Variants in NEMP2 observed in about 807,000 individuals in gnomAD.
NEMP2 encodes nuclear envelope integral membrane protein 2.
A neutral mutation model predicts 54.2 loss-of-function variants in NEMP2; 53 were observed. That is an observed-to-expected ratio of 0.98 (90% CI 0.78 to 1.23). The LOEUF (loss-of-function observed/expected upper bound fraction) is 1.23. Ranked by LOEUF, NEMP2 falls within the 50% of genes most tolerant of loss-of-function variation. NEMP2 has a pLI of 0.00. For missense variants in NEMP2, 455 were observed against 511.3 expected, an observed-to-expected ratio of 0.89 and a Z score of 1.06; for synonymous variants, 197 against 190.3, an observed-to-expected ratio of 1.04 and a Z score of -0.29.
chr2:190,460,893 A>G, the NEMP2 span, among the ~76,000 whole-genome samples: 4 of 152,214 alleles, frequency 2.6e-5, no homozygotes, highest in African/African-American at 9.6e-5. Flanking sequence ...CATATCAGCA[A>G]TTTTGATGCA....
the NEMP2 span, among the ~76,000 whole-genome samples, chr2:190,450,488 CTTTTT>C: frequency 1.2e-3 from 115 of 97,262 alleles, no homozygotes; most frequent in Middle Eastern, 0.018. Context: ...TCTCTTTTTC[CTTTTT>C]TTTTTTTTTT....
At chr2:190,460,407 G>A in the NEMP2 span, among the ~76,000 whole-genome samples, 2 of 151,912 alleles carry the variant, frequency 1.3e-5, no homozygotes, top group Admixed American at 6.6e-5. Context: ...ACATACACTC[G>A]CGTATGCACA....
chr2:190,566,288 G>C, the NEMP2 span, among the ~76,000 whole-genome samples: 2 of 152,184 alleles, frequency 1.3e-5, no homozygotes, highest in Non-Finnish European at 2.9e-5. Flanking sequence ...AAATATATGT[G>C]AGTGTGTTGA....
At chr2:190,574,874 TCA>T in the NEMP2 span, among the ~76,000 whole-genome samples, 1 of 146,838 alleles carries the variant, frequency 6.8e-6, no homozygotes, top group African/African-American at 2.5e-5. Flanking sequence ...TTCTTTGCTT[TCA>T]CAGAGTCTCA....
the NEMP2 span, among the ~76,000 whole-genome samples, chr2:190,476,913 A>G: frequency 1.9e-4 from 29 of 152,214 alleles, 1 homozygote; most frequent in South Asian, 6.0e-3. Flanking sequence ...AGGGACATGG[A>G]TGAAGCTGGA....
chr2:190,435,193 T>A, the NEMP2 span: 2 of 152,240 alleles, frequency 1.3e-5, no homozygotes, highest in Non-Finnish European at 2.9e-5. Context: ...ATCCTGGCAC[T>A]GCCTCTTATT....
In NEMP2 at chr2:190,534,599, T is replaced by C. The variant is rs1218638094; in HGVS notation, c.57A>G (p.Thr19=). Residue 19 remains threonine (T), a synonymous_variant, in exon 1 of 9, where the codon ACA becomes ACG. Transcript: ENST00000409150. The part of the protein sequence containing the change: ...WLLLWLPPLA[T]LPVRGEAAAA... The stretch of plus-strand genomic sequence containing the variant: ...CCGCCGCCTCCCCGCGCACGGGCAG[T>C]GTGGCCAGGGGCGGCAGCCAGAGCA... 3 of 1,396,204 alleles carry C rather than the reference T, an allele frequency of 2.1e-6. No individual in the cohort carries two copies. The highest frequency in any genetic ancestry group is 2.8e-6 in the Non-Finnish European group (3 of 1,079,656). 86.5% of individuals were successfully genotyped at this position (1,396,204 alleles called of 1,614,324 possible).
chr2:190,540,645 C>G, the NEMP2 span, among the ~76,000 whole-genome samples: 1 of 152,050 alleles, frequency 6.6e-6, no homozygotes, highest in African/African-American at 2.4e-5. Context: ...TTTTGTTGAG[C>G]ATTTTTGGGT....
the NEMP2 span, among the ~76,000 whole-genome samples, chr2:190,645,003 C>A: frequency 1.3e-5 from 2 of 152,130 alleles, no homozygotes; most frequent in Non-Finnish European, 2.9e-5. Flanking sequence ...CTCTACAACA[C>A]GGATTAAAAT....
At chr2:190,478,035 C>T in the NEMP2 span, among the ~76,000 whole-genome samples, 1 of 152,176 alleles carries the variant, frequency 6.6e-6, no homozygotes, top group Non-Finnish European at 1.5e-5. Flanking sequence ...GGGCTTGAAG[C>T]ATTTATCATC....
the NEMP2 span, among the ~76,000 whole-genome samples, chr2:190,445,469 C>A: frequency 1.8e-3 from 161 of 88,714 alleles, no homozygotes; most frequent in East Asian, 0.023. Flanking sequence ...AAAAAAAAAA[C>A]CCCGACTATA....
At chr2:190,518,704 A>G in intron 4 of NEMP2, 32 bp downstream of exon 4, 6 of 1,465,116 alleles carry the variant, frequency 4.1e-6, no homozygotes, top group Non-Finnish European at 5.5e-6. Context: ...CTTTTCATTC[A>G]CAAAGTTAAA....
At chr2:190,625,116 G>A in the NEMP2 span, 1 of 152,144 alleles carries the variant, frequency 6.6e-6, no homozygotes, top group Non-Finnish European at 1.5e-5. Context: ...ATACACCCAA[G>A]AGCACTGAAA....
the NEMP2 span, among the ~76,000 whole-genome samples, chr2:190,578,702 G>A: frequency 1.3e-5 from 2 of 151,890 alleles, no homozygotes; most frequent in Non-Finnish European, 2.9e-5. The surrounding 1 kb of genome is among the most constrained non-coding windows in gnomAD (Gnocchi z 4.4). Context: ...TGTGCAGAAT[G>A]TGTGTTAGGG....
the NEMP2 span, among the ~76,000 whole-genome samples, chr2:190,428,394 T>C: frequency 7.9e-5 from 12 of 152,194 alleles, no homozygotes; most frequent in East Asian, 2.1e-3. Flanking sequence ...TTTAAAGTAG[T>C]GTATCAATTT....
At chr2:190,583,601 T>G in the NEMP2 span, among the ~76,000 whole-genome samples, 1 of 152,216 alleles carries the variant, frequency 6.6e-6, no homozygotes, top group African/African-American at 2.4e-5. Context: ...GGCGATTTCA[T>G]GTAGGATGTG....
In NEMP2 at chr2:190,514,046, C is replaced by T. The variant is rs1261092787; in HGVS notation, c.953+407G>A. ...AGAAAGTCCTAAATACAAATAATAC[C>T]TTTCAGTCATTTATGATTCATTTCT... On this transcript the variant is annotated intron_variant, in intron 7 of 8. Coordinates refer to ENST00000409150, the MANE Select transcript of NEMP2 (RefSeq NM_001142645.2). The surrounding 1 kb of genome is among the most constrained non-coding windows in gnomAD (Gnocchi z 5.7). Among the ~76,000 whole-genome samples, 5 of 152,180 alleles carry T rather than the reference C, an allele frequency of 3.3e-5. No individual in the cohort carries two copies. The highest frequency in any genetic ancestry group is 5.9e-5 in the Non-Finnish European group (4 of 68,024).
the NEMP2 span, among the ~76,000 whole-genome samples, chr2:190,476,126 C>T: frequency 6.6e-6 from 1 of 152,102 alleles, no homozygotes; most frequent in African/African-American, 2.4e-5. Flanking sequence ...AAAACCTAGG[C>T]AATACCATTC....
In NEMP2 at chr2:190,534,638, C is replaced by G; in HGVS notation, c.18G>C (p.Gly6=). The change falls in exon 1 of 9, where the codon GGG becomes GGC. Residue 6 remains glycine (G), a synonymous_variant. Coordinates refer to ENST00000409150, the MANE Select transcript of NEMP2 (RefSeq NM_001142645.2). Reference sequence around the variant, plus strand: ...GCAGCCAGAGCAGCAGCCACCACCGCCCTTGGCGCGGCCCCATTTCGTTAG... The same window carrying G: ...GCAGCCAGAGCAGCAGCCACCACCGGCCTTGGCGCGGCCCCATTTCGTTAG... MGPRQ[G]RWWLLLWLPP... 6.0e-6 allele frequency: 8 copies of G among 1,340,306 alleles called. No homozygotes were observed. Among genetic ancestry groups the G allele is most frequent in the East Asian group, 3.1e-5 (1 of 32,420 alleles). 83.0% of individuals were successfully genotyped at this position (1,340,306 alleles called of 1,614,324 possible).
Sources: allele counts gnomAD v4.1 joint callset (sites outside exome capture counted in the v4.1 genomes callset), GRCh38; gene constraint gnomAD v4.1.1; non-coding constraint Gnocchi (gnomAD v3.1); transcripts MANE v1.5; gene names NCBI Gene and HGNC (gene_info 2026-07-23, HGNC 2026-07-21).